WDR70: variants seen among roughly 807,000 people sequenced by gnomAD.
WDR70 encodes the protein WD repeat domain 70, also known as WD repeat-containing protein 70.
In WDR70, 53 loss-of-function variants were observed where a neutral mutation model predicts 88.6. That is an observed-to-expected ratio of 0.60 (90% confidence interval 0.48 to 0.75). The LOEUF (loss-of-function observed/expected upper bound fraction) is 0.75, where lower values mean the gene tolerates loss of function less well. Among genes scored for constraint, WDR70 ranks in the 30% least tolerant of loss-of-function variants. The pLI, the probability that WDR70 is intolerant of heterozygous loss-of-function variation, is 0.00. For missense variants in WDR70, 610 were observed against 823.2 expected, an observed-to-expected ratio of 0.74 and a Z score of 3.17; for synonymous variants, 280 against 270.0, an observed-to-expected ratio of 1.04 and a Z score of -0.36.
Position 37,425,587 on chromosome 5 carries a change from G to A in WDR70, c.493-12335G>A, listed in dbSNP as rs73070406. On this transcript the variant is annotated intron_variant, in intron 5 of 17. Coordinates refer to ENST00000265107, the MANE Select transcript of WDR70 (RefSeq NM_018034.4). Reference sequence around the variant, plus strand: ...ACAGAATGAACAAGAGGGAGAGAAGGAGGAGATGACTGACATCAGAACACT... The same window carrying A: ...ACAGAATGAACAAGAGGGAGAGAAGAAGGAGATGACTGACATCAGAACACT... 8.6e-3 allele frequency among the ~76,000 whole-genome samples: 1,315 copies of A among 152,314 alleles called. 22 individuals are homozygous for A. The highest frequency in any genetic ancestry group is 0.03 in the African/African-American group (1,244 of 41,566).
intron 5 of WDR70, among the ~76,000 whole-genome samples, chr5:37,407,384 G>A (rs978386257): frequency 1.3e-5 from 2 of 151,908 alleles, no homozygotes; most frequent in African/African-American, 2.4e-5. Flanking sequence ...ATAATTAGCC[G>A]GGTGTAGTGA....
At chr5:37,450,595 G>A (rs73749036) in intron 7 of WDR70, among the ~76,000 whole-genome samples, 2,328 of 152,160 alleles carry the variant, frequency 0.015, 52 homozygotes, top group African/African-American at 0.053. Context: ...TTCAGCCTCA[G>A]TATACCTGTA....
chr5:37,433,392 A>G (rs999276695), intron 5 of WDR70, among the ~76,000 whole-genome samples: 5 of 152,056 alleles, frequency 3.3e-5, no homozygotes, highest in African/African-American at 7.2e-5. Context: ...ATTACTTTCT[A>G]TGACTCAGAG....
intron 10 of WDR70, among the ~76,000 whole-genome samples, chr5:37,670,782 A>C (rs1746003645): frequency 6.6e-6 from 1 of 152,284 alleles, no homozygotes; most frequent in East Asian, 1.9e-4. Context: ...TCTATTAGAG[A>C]TATTTTGTTA....
intron 9 of WDR70, among the ~76,000 whole-genome samples, chr5:37,531,126 C>G (rs915645296): frequency 5.3e-5 from 8 of 152,056 alleles, no homozygotes; most frequent in Non-Finnish European, 1.5e-5. Flanking sequence ...GAATTGATTT[C>G]CAATTTTATT....
At chr5:37,487,600 A>AATAT (rs70978824) in intron 8 of WDR70, among the ~76,000 whole-genome samples, 7 of 84,762 alleles carry the variant, frequency 8.3e-5, no homozygotes, top group African/African-American at 2.1e-4. Flanking sequence ...TGTATATATA[A>AATAT]ATATATATAT....
chr5:37,521,263 A>G (rs1741075858), intron 9 of WDR70, among the ~76,000 whole-genome samples: 1 of 152,208 alleles, frequency 6.6e-6, no homozygotes, highest in South Asian at 2.1e-4. Context: ...GGTCAAATAA[A>G]TTTGAGAAGC....
In WDR70 at chr5:37,627,842, T is replaced by C. The variant is rs533980691; in HGVS notation, c.1092+22604T>C. Among the ~76,000 whole-genome samples the C allele has an allele frequency of 3.3e-5, 5 of 152,318 alleles. No individual in the cohort carries two copies. The South Asian group carries it at 1.0e-3, about 32-fold the overall frequency. Reference sequence around the variant, plus strand: ...GAGACTTGTTTTGTGCCCTAACATATGGTCAGTCCTGGAGAGTGTTCCATG... The same window carrying C: ...GAGACTTGTTTTGTGCCCTAACATACGGTCAGTCCTGGAGAGTGTTCCATG... On this transcript the variant is annotated intron_variant, in intron 10 of 17. Coordinates refer to ENST00000265107, the MANE Select transcript of WDR70 (RefSeq NM_018034.4).
At chr5:37,551,289 GA>G (rs1182290809) in intron 9 of WDR70, among the ~76,000 whole-genome samples, 5 of 148,238 alleles carry the variant, frequency 3.4e-5, no homozygotes, top group Non-Finnish European at 7.5e-5. Flanking sequence ...TGGGCAACAG[GA>G]GTAAAACTTT....
At chr5:37,693,769 G>A (rs573793078) in intron 10 of WDR70, among the ~76,000 whole-genome samples, 2 of 152,234 alleles carry the variant, frequency 1.3e-5, no homozygotes, top group East Asian at 3.9e-4. Flanking sequence ...GAAAACCTAG[G>A]CAATATCATT....
intron 13 of WDR70, among the ~76,000 whole-genome samples, chr5:37,713,233 C>A (rs980413116): frequency 2.6e-5 from 4 of 152,050 alleles, no homozygotes; most frequent in African/African-American, 9.7e-5. Flanking sequence ...TTAGACTTCG[C>A]GAGCAAAAGA....
rs1490564913 is a variant in WDR70 at position 37,391,925 on chromosome 5, A to G, written c.176-75A>G. 3.1e-5 allele frequency: 45 copies of G among 1,471,932 alleles called. No homozygotes were observed. In the South Asian group the frequency reaches 5.9e-4, roughly 19 times the overall value. 91.2% of individuals were successfully genotyped at this position (1,471,932 alleles called of 1,614,324 possible). ...TATCTTTGTGACTATGTTAATTTTT[A>G]GCCTTTCTAATACTAACATATTTTG... On this transcript the variant is annotated intron_variant, in intron 3 of 17. Coordinates refer to ENST00000265107, the MANE Select transcript of WDR70 (RefSeq NM_018034.4).
chr5:37,424,397 ATTTTTTTCCAT>A (rs1750056625), intron 5 of WDR70, among the ~76,000 whole-genome samples: 1 of 116,738 alleles, frequency 8.6e-6, no homozygotes, highest in African/African-American at 2.7e-5. Flanking sequence ...TGACAATTTA[ATTTTTTTCCAT>A]TTTTTTTTTT....
intron 10 of WDR70, among the ~76,000 whole-genome samples, chr5:37,652,731 GCTCT>G (rs749786147): frequency 1.2e-4 from 19 of 152,184 alleles, no homozygotes; most frequent in Non-Finnish European, 2.1e-4. Flanking sequence ...TCATGATTTG[GCTCT>G]CTGTTTGTCC....
chr5:37,396,365 G>GT lies in WDR70; in HGVS notation c.297-9dup, dbSNP rs1311187633. On this transcript the variant is annotated splice_polypyrimidine_tract_variant and intron_variant, in intron 4 of 17. Transcript: ENST00000265107. ...GCAGAGGCAAAGAGTTTCTGTTTCT[G>GT]TATTTTCAGGGATACGAGCAGCAGT... 1 of 1,594,820 alleles carries GT rather than the reference G, an allele frequency of 6.3e-7. No homozygotes were observed.
chr5:37,622,445 A>G (rs1464910847), intron 10 of WDR70, among the ~76,000 whole-genome samples: 1 of 152,008 alleles, frequency 6.6e-6, no homozygotes, highest in African/African-American at 2.4e-5. Flanking sequence ...ATGCACACGT[A>G]TGTTTATTGC....
At chr5:37,604,770 GGAGGCCACTTAGA>G (rs1448154516) in intron 9 of WDR70, among the ~76,000 whole-genome samples, 2 of 152,186 alleles carry the variant, frequency 1.3e-5, no homozygotes, top group African/African-American at 4.8e-5. Context: ...AGAATAATTT[GGAGGCCACTTAGA>G]GAGGGACAGA....
intron 11 of WDR70, chr5:37,698,043 C>T (rs1184127335): frequency 3.7e-6 from 1 of 273,130 alleles, no homozygotes; most frequent in African/African-American, 2.2e-5. Flanking sequence ...TTGCTTCTGC[C>T]TTGGGAAGTT....
intron 9 of WDR70, among the ~76,000 whole-genome samples, chr5:37,540,927 T>G (rs1005590286): frequency 1.3e-5 from 2 of 152,216 alleles, no homozygotes; most frequent in Non-Finnish European, 2.9e-5. Flanking sequence ...AAGAATTTAT[T>G]AGAGACCAAA....
Sources: allele counts gnomAD v4.1 joint callset (sites outside exome capture counted in the v4.1 genomes callset), GRCh38; gene constraint gnomAD v4.1.1; transcripts MANE v1.5; gene names NCBI Gene and HGNC (gene_info 2026-07-23, HGNC 2026-07-21).